LRRCC1: variants seen among roughly 807,000 people sequenced by gnomAD.
LRRCC1 encodes leucine-rich repeat and coiled-coil domain-containing protein 1.
Under a neutral mutation model 126.0 loss-of-function variants are expected in LRRCC1, and 115 were observed. The ratio of observed to expected loss-of-function variants is 0.91; its 90% CI spans 0.78 to 1.07. The LOEUF (loss-of-function observed/expected upper bound fraction) is 1.07. LRRCC1 is among the 50% of genes least tolerant of loss of function. LRRCC1 has a pLI of 0.00. For missense variants in LRRCC1, 1,172 were observed against 1,175.7 expected (o/e 1.00, Z 0.05); for synonymous variants, 400 against 393.4 (o/e 1.02, Z -0.20).
chr8:85,145,013 G>C (rs1811568255), intron 18 of LRRCC1, among the ~76,000 whole-genome samples: 1 of 150,406 alleles, frequency 6.6e-6, no homozygotes, highest in African/African-American at 2.4e-5. Flanking sequence ...CCAGGAGGCG[G>C]AGCTTGCAGT....
In LRRCC1 at chr8:85,113,049, A is replaced by T; in HGVS notation, c.494A>T (p.Asn165Ile). The change falls in exon 4 of 19, where the codon AAT becomes ATT. Residue 165 changes from asparagine to isoleucine, a missense_variant. Transcript: ENST00000360375. ...QCMVGLHFLTNLILEKDGDDN... is the reference protein window; with the variant it reads ...QCMVGLHFLTILILEKDGDDN... ...ATGGTAGGATTGCACTTCCTGACCAATCTTATTTTGGAGAAAGATGGAGAC... is the reference window on the plus strand; with the variant it reads ...ATGGTAGGATTGCACTTCCTGACCATTCTTATTTTGGAGAAAGATGGAGAC... The T allele has an allele frequency of 6.2e-7, 1 of 1,612,690 alleles. No homozygotes were observed.
At chr8:85,113,633 T>C (rs1328764214) in intron 4 of LRRCC1, among the ~76,000 whole-genome samples, 1 of 152,106 alleles carries the variant, frequency 6.6e-6, no homozygotes, top group Admixed American at 6.6e-5. Flanking sequence ...AAATGTATAA[T>C]GTTAGCTAAC....
chr8:85,129,503 C>G lies in LRRCC1; in HGVS notation c.1626+124C>G, dbSNP rs559474780. 632 of 780,148 alleles carry G rather than the reference C, an allele frequency of 8.1e-4. 11 individuals are homozygous for G. The South Asian group carries it at 0.011, about 14-fold the overall frequency. The allele number at this position is 780,148 out of a possible 1,614,324, so 48.3% of individuals were successfully genotyped here. On this transcript the variant is annotated intron_variant, in intron 10 of 18. Coordinates refer to ENST00000360375, the MANE Select transcript of LRRCC1 (RefSeq NM_033402.5). The stretch of plus-strand genomic sequence containing the variant: ...AAGGCCATATGCAAAAATTAAATTG[C>G]TGTTAATTTAACGGTCACATAGCCT...
At chr8:85,125,092 A>G (rs1419953768) in intron 8 of LRRCC1, among the ~76,000 whole-genome samples, 153 bp downstream of exon 8, 1 of 152,160 alleles carries the variant, frequency 6.6e-6, no homozygotes, top group Non-Finnish European at 1.5e-5. Flanking sequence ...TCCAGATTTT[A>G]TGTAATGTTA....
At chr8:85,115,620 A>G (rs746426295) in intron 6 of LRRCC1, 36 bp downstream of exon 6, 42 of 1,373,310 alleles carry the variant, frequency 3.1e-5, no homozygotes, top group Non-Finnish European at 4.1e-5. Context: ...AGACATGTTT[A>G]TTGAAGAAAA....
intron 18 of LRRCC1, among the ~76,000 whole-genome samples, chr8:85,144,468 A>AT (rs1563963585): frequency 3.7e-3 from 150 of 40,456 alleles, no homozygotes; most frequent in African/African-American, 0.024. Flanking sequence ...ATATATATAT[A>AT]TATATATTTT....
intron 6 of LRRCC1, among the ~76,000 whole-genome samples, chr8:85,122,275 T>C (rs567562975): frequency 1.3e-5 from 2 of 152,318 alleles, no homozygotes; most frequent in Non-Finnish European, 2.9e-5. Context: ...TTCTCTATGC[T>C]TCCTTAATCT....
intron 6 of LRRCC1, among the ~76,000 whole-genome samples, chr8:85,118,888 T>G (rs182353972): frequency 3.3e-4 from 51 of 152,286 alleles, no homozygotes; most frequent in Non-Finnish European, 5.9e-4. Flanking sequence ...TATCATTTTT[T>G]TCCCTTTCAT....
intron 6 of LRRCC1, among the ~76,000 whole-genome samples, chr8:85,119,718 G>A (rs775196053): frequency 1.3e-5 from 2 of 151,878 alleles, no homozygotes; most frequent in African/African-American, 4.8e-5. Context: ...GGCTGGTCTC[G>A]AACTCTTGGC....
At chr8:85,114,335 C>T (rs1159729119) in intron 4 of LRRCC1, among the ~76,000 whole-genome samples, 1 of 151,858 alleles carries the variant, frequency 6.6e-6, no homozygotes, top group African/African-American at 2.4e-5. Flanking sequence ...AATACAGTCA[C>T]CCTCCCTTCA....
chr8:85,144,032 G>A (rs1485329011), intron 18 of LRRCC1, among the ~76,000 whole-genome samples: 1 of 152,216 alleles, frequency 6.6e-6, no homozygotes, highest in East Asian at 1.9e-4. Flanking sequence ...GAAGTGTTAC[G>A]ATATCGTAGG....
intron 11 of LRRCC1, 32 bp from the exon 12 acceptor site, chr8:85,131,728 A>G: frequency 1.3e-6 from 2 of 1,538,872 alleles, no homozygotes; most frequent in Non-Finnish European, 1.8e-6. Context: ...GGTGAGTATC[A>G]TCCTTTTATC....
intron 9 of LRRCC1, 117 bp from the exon 10 acceptor site, chr8:85,129,058 G>A: frequency 2.7e-6 from 2 of 752,146 alleles, no homozygotes; most frequent in East Asian, 2.5e-5. Context: ...ATATCAAACA[G>A]GAGTTGAGAG....
At chr8:85,141,237 C>A in intron 17 of LRRCC1, 145 bp from the exon 18 acceptor site, 1 of 538,390 alleles carries the variant, frequency 1.9e-6, no homozygotes. Context: ...CTTTAGTTAC[C>A]CTATAATAGC....
At chr8:85,129,769 T>G (rs1175199514) in intron 10 of LRRCC1, 150 bp from the exon 11 acceptor site, 2 of 574,852 alleles carry the variant, frequency 3.5e-6, no homozygotes, top group African/African-American at 1.9e-5. Context: ...AGGCTGCACT[T>G]TGTGTGACTG....
chr8:85,138,104 CAA>C lies in LRRCC1; in HGVS notation c.2564_2565del (p.Gln855ArgfsTer4), dbSNP rs1423136736. On this transcript the variant is annotated frameshift_variant, in exon 16 of 19. Transcript: ENST00000360375. LOFTEE classifies it high-confidence loss of function. ...EKITEIEKCT[Q>X]EQLDEKSSQL... ...GATCACAGAAATAGAAAAATGCACT[CAA>C]GAACAACTTGATGAAAAATCTTCAC... The C allele has an allele frequency of 1.2e-6, 2 of 1,605,284 alleles. No individual in the cohort carries two copies. Among genetic ancestry groups the C allele is most frequent in the South Asian group, 2.2e-5 (2 of 89,304 alleles).
rs375394853 is a variant in LRRCC1 at position 85,124,835 on chromosome 8, G to A, written c.1168G>A (p.Val390Ile). 6.3e-6 allele frequency: 10 copies of A among 1,592,890 alleles called. No homozygotes were observed. Among genetic ancestry groups the A allele is most frequent in the Non-Finnish European group, 7.7e-6 (9 of 1,165,838 alleles). Residue 390 changes from valine (V) to isoleucine (I), a missense_variant, in exon 8 of 19, where the codon GTA becomes ATA. By Grantham distance (29) the Val-to-Ile change is conservative. Coordinates refer to ENST00000360375, the MANE Select transcript of LRRCC1 (RefSeq NM_033402.5). ...MKPPYLKELY[V>I]SSSLANCPML... ...ACCACCTTACCTTAAAGAATTATAT[G>A]TAAGCTCATCTTTAGCAAACTGTCC...
intron 6 of LRRCC1, 37 bp downstream of exon 6, chr8:85,115,621 T>C (rs1404992237): frequency 7.3e-7 from 1 of 1,374,704 alleles, no homozygotes; most frequent in Admixed American, 2.0e-5. Context: ...GACATGTTTA[T>C]TGAAGAAAAC....
intron 12 of LRRCC1, among the ~76,000 whole-genome samples, chr8:85,132,863 T>A (rs1810584756): frequency 6.6e-6 from 1 of 152,228 alleles, no homozygotes; most frequent in Non-Finnish European, 1.5e-5. Flanking sequence ...CTTGCCTACT[T>A]AAAGATATGG....
Sources: gnomAD v4.1 joint callset for allele counts (sites outside exome capture counted in the v4.1 genomes callset) on GRCh38, gnomAD v4.1.1 for gene constraint, MANE v1.5 for transcripts, NCBI Gene and HGNC (gene_info 2026-07-23, HGNC 2026-07-21) for gene names.